The following SBF2 variants were observed in gnomAD, a reference collection of about 807,000 sequenced individuals.
SBF2 encodes myotubularin-related protein 13.
A neutral mutation model predicts 225.2 loss-of-function variants in SBF2; 112 were observed. That is an observed-to-expected ratio of 0.50 (90% confidence interval 0.43 to 0.58). The LOEUF (loss-of-function observed/expected upper bound fraction) is 0.58. Among genes scored for constraint, SBF2 ranks in the 20% least tolerant of loss-of-function variants. SBF2 has a pLI of 0.00. For missense variants in SBF2, 1,996 were observed against 2,206.2 expected, an observed-to-expected ratio of 0.90 and a Z score of 1.91; for synonymous variants, 763 against 773.3, an observed-to-expected ratio of 0.99 and a Z score of 0.22.
chr11:10,284,696 G>A (rs1438866734), intron 1 of SBF2, among the ~76,000 whole-genome samples: 1 of 151,910 alleles, frequency 6.6e-6, no homozygotes. Flanking sequence ...CTGCAGCCTC[G>A]ACCTCCTGGG....
rs1257309514 is a variant in SBF2, at chr11:9,917,570, G to C, written c.1861-21559C>G. 2.6e-5 allele frequency among the ~76,000 whole-genome samples: 4 copies of C among 151,556 alleles called. No individual in the cohort carries two copies. The East Asian group carries it at 7.7e-4, about 29-fold the overall frequency. On this transcript the variant is annotated intron_variant, in intron 16 of 39. Coordinates refer to ENST00000256190, the MANE Select transcript of SBF2 (RefSeq NM_030962.4). ...TGGTCTTGAACTCCTGAGCTCAAGT[G>C]ATCCACCCGCCTCGGCCTCCCAAAG...
At chr11:10,011,434 G>A (rs957390838) in intron 6 of SBF2, among the ~76,000 whole-genome samples, 4 of 152,116 alleles carry the variant, frequency 2.6e-5, no homozygotes, top group African/African-American at 9.7e-5. Flanking sequence ...CGCCATGTTG[G>A]TTGTGAACTC....
chr11:9,851,257 CT>C lies in SBF2; in HGVS notation c.2611-1040del, dbSNP rs1856930913. On this transcript the variant is annotated intron_variant, in intron 21 of 39. Transcript: ENST00000256190. ...TGGAAAAAGAATAGGAATTGTAAGA[CT>C]GTGAACCCAACTGTTAAAGGCAATG... is the stretch of plus-strand genomic sequence containing the variant. Among the ~76,000 whole-genome samples the C allele has an allele frequency of 2.6e-5, 4 of 151,928 alleles. No homozygotes were observed. The South Asian group carries it at 8.3e-4, about 32-fold the overall frequency.
rs182895585 is a variant in SBF2 at position 10,147,204 on chromosome 11, G to C, written c.141+46698C>G. 3.3e-5 allele frequency among the ~76,000 whole-genome samples: 5 copies of C among 151,998 alleles called. No individual in the cohort carries two copies. In the South Asian group the frequency reaches 8.3e-4, roughly 25 times the overall value. On this transcript the variant is annotated intron_variant, in intron 2 of 39. Transcript: ENST00000256190. ...AAGCAGAACTATCATTTGACCCAGC[G>C]ATCCCATTAGTGGGTATATACCCAA...
At chr11:9,838,668 T>C (rs747683790) in intron 26 of SBF2, 17 of 152,186 alleles carry the variant, frequency 1.1e-4, no homozygotes, top group Non-Finnish European at 2.1e-4. Flanking sequence ...GAAAGTAACA[T>C]TAAGATAACT....
chr11:10,227,246 A>C (rs553453476), intron 1 of SBF2, among the ~76,000 whole-genome samples: 2 of 152,132 alleles, frequency 1.3e-5, no homozygotes, highest in Non-Finnish European at 2.9e-5. Flanking sequence ...AGTAGGTTGC[A>C]AAAATTTTCT....
At chr11:9,840,724 A>C (rs1856072556) in intron 25 of SBF2, among the ~76,000 whole-genome samples, 1 of 152,234 alleles carries the variant, frequency 6.6e-6, no homozygotes, top group Admixed American at 6.5e-5. Context: ...GAAGTTCACT[A>C]GAGGGAAAAA....
chr11:10,005,329 C>T (rs1478781578), intron 6 of SBF2, among the ~76,000 whole-genome samples: 1 of 152,148 alleles, frequency 6.6e-6, no homozygotes, highest in Admixed American at 6.5e-5. Context: ...CATGTGCCCC[C>T]TACCAAATGC....
intron 9 of SBF2, among the ~76,000 whole-genome samples, chr11:9,994,291 G>A (rs1291336937): frequency 2.6e-5 from 4 of 151,466 alleles, no homozygotes; most frequent in Non-Finnish European, 4.4e-5. Flanking sequence ...TGGCTAACAC[G>A]GTGAAACCCC....
At chr11:9,915,175 G>T (rs189627353) in intron 16 of SBF2, among the ~76,000 whole-genome samples, 2 of 152,264 alleles carry the variant, frequency 1.3e-5, no homozygotes, top group East Asian at 3.9e-4. Flanking sequence ...AAGGCCGGGT[G>T]CAGTGGCTCA....
chr11:9,892,309 G>A (rs564683435), intron 17 of SBF2, among the ~76,000 whole-genome samples: 85 of 151,858 alleles, frequency 5.6e-4, no homozygotes, highest in African/African-American at 2.1e-3. Context: ...AGTAGAGATG[G>A]GGTTTCACCA....
chr11:10,002,931 T>C lies in SBF2; in HGVS notation c.620-242A>G, dbSNP rs571634645. On this transcript the variant is annotated intron_variant, in intron 6 of 39. Transcript: ENST00000256190. Reference sequence around the variant, plus strand: ...CATATTAGTTGTTTGGAAACACTATTACCTTCTTTTCAATTTCATCTCTAA... The same window carrying C: ...CATATTAGTTGTTTGGAAACACTATCACCTTCTTTTCAATTTCATCTCTAA... Among the ~76,000 whole-genome samples, 21 of 152,346 alleles carry C rather than the reference T, an allele frequency of 1.4e-4. No individual in the cohort carries two copies. The South Asian group carries it at 1.5e-3, about 11-fold the overall frequency.
intron 2 of SBF2, among the ~76,000 whole-genome samples, chr11:10,179,070 C>G (rs1956607601): frequency 6.7e-6 from 1 of 148,944 alleles, no homozygotes; most frequent in South Asian, 2.1e-4. Flanking sequence ...TGGAAATCAT[C>G]ATTCTCAGTA....
In SBF2 at chr11:9,847,025, C is replaced by T; in HGVS notation, c.2865G>A (p.Lys955=). ...GCTGTAGCTGGTTCTGCATTGTAAT[C>T]TTCTTCTCCTTGGTGATGGAGGCAA... ...FPIASITKEK[K]ITMQNQLQQN... Residue 955 remains lysine, a synonymous_variant, in exon 23 of 40, where the codon AAG becomes AAA. Transcript: ENST00000256190. The T allele has an allele frequency of 6.2e-7, 1 of 1,613,838 alleles. No individual in the cohort carries two copies. Among genetic ancestry groups the T allele is most frequent in the Admixed American group, 1.7e-5 (1 of 59,996 alleles).
chr11:10,262,410 C>T lies in SBF2; in HGVS notation c.55+31605G>A, dbSNP rs1031759507. Among the ~76,000 whole-genome samples the T allele has an allele frequency of 3.9e-5, 6 of 152,120 alleles. No individual in the cohort carries two copies. In the East Asian group the frequency reaches 1.2e-3, roughly 29 times the overall value. On this transcript the variant is annotated intron_variant, in intron 1 of 39. Coordinates refer to ENST00000256190, the MANE Select transcript of SBF2 (RefSeq NM_030962.4). ...CCTCATCCAATCCTTCAAAGTGCAA[C>T]TCAAAATAAACTACTTCCATGAGCC...
At chr11:10,078,034 A>G (rs540739403) in intron 2 of SBF2, among the ~76,000 whole-genome samples, 39 of 152,258 alleles carry the variant, frequency 2.6e-4, no homozygotes, top group Middle Eastern at 3.4e-3. Flanking sequence ...AACTTATGAA[A>G]AAATGCTCAT....
At chr11:9,966,760 T>C (rs1866941393) in intron 14 of SBF2, among the ~76,000 whole-genome samples, 2 of 152,120 alleles carry the variant, frequency 1.3e-5, no homozygotes, top group Admixed American at 1.3e-4. Context: ...AAATGACCAA[T>C]AGCACATGAA....
At chr11:10,155,549 T>C (rs554935450) in intron 2 of SBF2, among the ~76,000 whole-genome samples, 1 of 152,354 alleles carries the variant, frequency 6.6e-6, no homozygotes, top group East Asian at 1.9e-4. Flanking sequence ...CTTTATGTGT[T>C]CTTTTGTTAA....
At chr11:10,178,699 T>C (rs1165055832) in intron 2 of SBF2, among the ~76,000 whole-genome samples, 1 of 143,040 alleles carries the variant, frequency 7.0e-6, no homozygotes. Flanking sequence ...AAACAACAGG[T>C]GCTAGAGAGG....
Sources: gnomAD v4.1 joint callset for allele counts (sites outside exome capture counted in the v4.1 genomes callset) on GRCh38, gnomAD v4.1.1 for gene constraint, MANE v1.5 for transcripts, NCBI Gene and HGNC (gene_info 2026-07-23, HGNC 2026-07-21) for gene names.